Variants in B3GALNT2 observed in about 807,000 individuals in gnomAD.
The protein encoded by B3GALNT2 is beta-1,3-N-acetylgalactosaminyltransferase 2, also known as UDP-GalNAc:beta-1,3-N-acetylgalactosaminyltransferase 2.
Under a neutral mutation model 61.1 loss-of-function variants are expected in B3GALNT2, and 53 were observed. That is an observed-to-expected ratio of 0.87 (90% confidence interval 0.70 to 1.09). The LOEUF (loss-of-function observed/expected upper bound fraction) is 1.09. B3GALNT2 is among the 50% of genes least tolerant of loss of function. B3GALNT2 has a pLI of 0.00. For missense variants in B3GALNT2, 544 were observed against 623.0 expected (o/e 0.87, Z 1.35); for synonymous variants, 223 against 237.4 (o/e 0.94, Z 0.56).
rs568264844 is a variant in B3GALNT2, at chr1:235,478,670, TAC to T, written c.651+1382_651+1383del. 1.5e-3 allele frequency among the ~76,000 whole-genome samples: 223 copies of T among 152,244 alleles called. 4 individuals are homozygous for T. The highest frequency in any genetic ancestry group is 3.0e-3 in the African/African-American group (126 of 41,556). ...AATTGAAACTCTATCAACACCCAAA[TAC>T]AGAGTTAAATGACAATACTTTCATA... is the stretch of plus-strand genomic sequence containing the variant. On this transcript the variant is annotated intron_variant, in intron 5 of 11. Coordinates refer to ENST00000366600, the MANE Select transcript of B3GALNT2 (RefSeq NM_152490.5).
At chr1:235,460,341 G>A (rs766532608) in intron 7 of B3GALNT2, among the ~76,000 whole-genome samples, 12 of 144,256 alleles carry the variant, frequency 8.3e-5, no homozygotes, top group Non-Finnish European at 1.5e-4. Flanking sequence ...GCAGGGTTTT[G>A]CCATGTTGGC....
chr1:235,457,933 G>A (rs1367276502), intron 8 of B3GALNT2, among the ~76,000 whole-genome samples: 1 of 149,390 alleles, frequency 6.7e-6, no homozygotes, highest in African/African-American at 2.5e-5. Flanking sequence ...TTGAGACGGA[G>A]TCTCACTCTG....
intron 2 of B3GALNT2, among the ~76,000 whole-genome samples, chr1:235,491,216 C>T (rs1685052503): frequency 1.3e-5 from 2 of 152,140 alleles, no homozygotes; most frequent in Admixed American, 1.3e-4. Flanking sequence ...GTCCTCACCT[C>T]ACTGTTTAAC....
At chr1:235,441,380 T>G in the B3GALNT2 span, 1 of 262,286 alleles carries the variant, frequency 3.8e-6, no homozygotes, top group Non-Finnish European at 7.4e-6. Flanking sequence ...GGATCGTGTC[T>G]CAGGTGGCAC....
At chr1:235,442,009 T>A in the B3GALNT2 span, 6,240 of 220,266 alleles carry the variant, frequency 0.028, 22 homozygotes, top group Middle Eastern at 0.068. Context: ...TAAATGAAAA[T>A]TTTTTTTTTT....
At chr1:235,460,909 A>G (rs893932390) in intron 7 of B3GALNT2, among the ~76,000 whole-genome samples, 1 of 152,196 alleles carries the variant, frequency 6.6e-6, no homozygotes, top group African/African-American at 2.4e-5. Context: ...AATAAAAATG[A>G]TTACTAATGT....
Position 235,449,914 on chromosome 1 carries a change from C to A in B3GALNT2, c.*292G>T. ...AGGTAATGGTGAATTACTAATTAGCCACAATGCATCAGGATTTAGAAATAT... is the reference window on the plus strand; with the variant it reads ...AGGTAATGGTGAATTACTAATTAGCAACAATGCATCAGGATTTAGAAATAT... On this transcript the variant is annotated 3_prime_UTR_variant, in exon 12 of 12. Transcript: ENST00000366600. 1 of 255,372 alleles carries A rather than the reference C, an allele frequency of 3.9e-6. No homozygotes were observed. The highest frequency in any genetic ancestry group is 7.6e-6 in the Non-Finnish European group (1 of 130,868). 15.8% of individuals were successfully genotyped at this position (255,372 alleles called of 1,614,324 possible). A position where few individuals can be genotyped will look rare whatever the true frequency, so the allele number is the denominator to read the frequency against.
At chr1:235,488,597 T>G (rs1684911908) in intron 3 of B3GALNT2, among the ~76,000 whole-genome samples, 1 of 133,158 alleles carries the variant, frequency 7.5e-6, no homozygotes, top group African/African-American at 2.9e-5. Context: ...GGCAGGAGAA[T>G]TTCTTGAACC....
rs59405398 is a variant in B3GALNT2 at position 235,448,220 on chromosome 1, CAAAAAAAAA to C, written c.*1977_*1985del. ...CTTAAGTAAGTAAGTAAGTCAGTCT[CAAAAAAAAA>C]AAAAAAAAAAAGACAGATACAGCTA... is the stretch of plus-strand genomic sequence containing the variant. On this transcript the variant is annotated 3_prime_UTR_variant, in exon 12 of 12. Coordinates refer to ENST00000366600, the MANE Select transcript of B3GALNT2 (RefSeq NM_152490.5). 1.3e-5 allele frequency: 7 copies of C among 531,016 alleles called. No individual in the cohort carries two copies. In the African/African-American group the frequency reaches 1.6e-4, roughly 12 times the overall value. 32.9% of individuals were successfully genotyped at this position (531,016 alleles called of 1,614,324 possible).
At chr1:235,504,059 A>G in intron 1 of B3GALNT2, 82 bp downstream of exon 1, 1 of 1,193,410 alleles carries the variant, frequency 8.4e-7, no homozygotes, top group Non-Finnish European at 1.0e-6. Context: ...GCCTCCAACA[A>G]TTCCCGGCGA....
rs1230942719 is a variant in B3GALNT2 at position 235,448,795 on chromosome 1, C to T, written c.*1411G>A. ...CTAATAAAATTTAAAGACCACACTG[C>T]TTATCGTGTCTGGGGTTCACCGGAA... On this transcript the variant is annotated 3_prime_UTR_variant, in exon 12 of 12. Coordinates refer to ENST00000366600, the MANE Select transcript of B3GALNT2 (RefSeq NM_152490.5). 4.2e-6 allele frequency: 6 copies of T among 1,415,906 alleles called. No homozygotes were observed. The highest frequency in any genetic ancestry group is 3.4e-5 in the Admixed American group (2 of 59,690). 87.7% of individuals were successfully genotyped at this position (1,415,906 alleles called of 1,614,324 possible).
chr1:235,441,724 C>T, the B3GALNT2 span: 39 of 1,226,584 alleles, frequency 3.2e-5, no homozygotes, highest in Middle Eastern at 1.9e-4. Flanking sequence ...GCTCTCTGGA[C>T]GCTTACCTAT....
chr1:235,455,853 G>C (rs1476569386), intron 8 of B3GALNT2, among the ~76,000 whole-genome samples, 169 bp from the exon 9 acceptor site: 15 of 152,070 alleles, frequency 9.9e-5, no homozygotes, highest in Admixed American at 9.8e-4. Flanking sequence ...TATCAACTAA[G>C]GCCATCACTT....
rs564464363 is a variant in B3GALNT2 at position 235,472,744 on chromosome 1, C to G, written c.652-1784G>C. Among the ~76,000 whole-genome samples, 11 of 151,846 alleles carry G rather than the reference C, an allele frequency of 7.2e-5. No individual in the cohort carries two copies. The South Asian group carries it at 1.0e-3, about 14-fold the overall frequency. On this transcript the variant is annotated intron_variant, in intron 5 of 11. Transcript: ENST00000366600. Reference sequence around the variant, plus strand: ...AAATGAAAGATATACCTCTAATACTCTAAAAACTTTCATGTTAAAATGAAG... The same window carrying G: ...AAATGAAAGATATACCTCTAATACTGTAAAAACTTTCATGTTAAAATGAAG...
Position 235,465,638 on chromosome 1 carries a change from T to G in B3GALNT2, c.839A>C (p.Gln280Pro). The change falls in exon 7 of 12, where the codon CAG becomes CCG. Residue 280 changes from glutamine to proline, a missense_variant and splice_region_variant. Physicochemically the swap from Gln to Pro is moderately conservative, Grantham distance 76. Coordinates refer to ENST00000366600, the MANE Select transcript of B3GALNT2 (RefSeq NM_152490.5). Reference sequence around the variant, plus strand: ...CAAGTTTCAACTAGCAAACTTACCCTGAATAGTATATATAAAACCACCTGC... The same window carrying G: ...CAAGTTTCAACTAGCAAACTTACCCGGAATAGTATATATAAAACCACCTGC... ...GVAGGFIYTIQEGDALLHNLH... is the reference protein window; with the variant it reads ...GVAGGFIYTIPEGDALLHNLH... The G allele has an allele frequency of 6.2e-7, 1 of 1,613,840 alleles. No homozygotes were observed. Among genetic ancestry groups the G allele is most frequent in the South Asian group, 1.1e-5 (1 of 91,044 alleles).
At chr1:235,462,139 A>G (rs1228622412) in intron 7 of B3GALNT2, among the ~76,000 whole-genome samples, 1 of 152,254 alleles carries the variant, frequency 6.6e-6, no homozygotes, top group Non-Finnish European at 1.5e-5. Flanking sequence ...TTGTAAGTCA[A>G]GGAGCATCTG....
In B3GALNT2 at chr1:235,448,341, T is replaced by TTTGA. The variant is rs752047862; in HGVS notation, c.*1861_*1864dup. ...GAGAACGAATGGACTTTTCTTGTCTTTTGATAGGCTCCATGACAATTCAAA... is the reference window on the plus strand; with the variant it reads ...GAGAACGAATGGACTTTTCTTGTCTTTTGATTGATAGGCTCCATGACAATTCAAA... On this transcript the variant is annotated 3_prime_UTR_variant, in exon 12 of 12. Coordinates refer to ENST00000366600, the MANE Select transcript of B3GALNT2 (RefSeq NM_152490.5). 2.7e-5 allele frequency: 44 copies of TTTGA among 1,613,830 alleles called. No individual in the cohort carries two copies. The highest frequency in any genetic ancestry group is 6.7e-5 in the East Asian group (3 of 44,892).
intron 5 of B3GALNT2, among the ~76,000 whole-genome samples, chr1:235,475,097 C>T (rs1684210906): frequency 6.9e-6 from 1 of 145,614 alleles, no homozygotes; most frequent in Admixed American, 6.9e-5. Context: ...CTCCCAGGTT[C>T]AAGTGATTCT....
chr1:235,478,065 T>G (rs1223432150), intron 5 of B3GALNT2, among the ~76,000 whole-genome samples: 1 of 152,140 alleles, frequency 6.6e-6, no homozygotes, highest in Non-Finnish European at 1.5e-5. Flanking sequence ...GAACCACTAT[T>G]CTTTTTTTTG....
Sources: allele counts gnomAD v4.1 joint callset (sites outside exome capture counted in the v4.1 genomes callset), GRCh38; gene constraint gnomAD v4.1.1; transcripts MANE v1.5; gene names NCBI Gene and HGNC (gene_info 2026-07-23, HGNC 2026-07-21).